Variants in CPB2 observed in about 807,000 individuals in gnomAD.
The protein encoded by CPB2 is carboxypeptidase B-like protein.
Under a neutral mutation model 57.0 loss-of-function variants are expected in CPB2, and 54 were observed. That is an observed-to-expected ratio of 0.95 (90% confidence interval 0.76 to 1.19). The LOEUF (loss-of-function observed/expected upper bound fraction) is 1.19, where lower values mean the gene tolerates loss of function less well. CPB2 is among the 50% of genes most tolerant of loss of function. CPB2 has a pLI of 0.00. For missense variants in CPB2, 426 were observed against 512.0 expected, an observed-to-expected ratio of 0.83 and a Z score of 1.62; for synonymous variants, 189 against 178.1, an observed-to-expected ratio of 1.06 and a Z score of -0.49.
intron 9 of CPB2, 36 bp downstream of exon 9, chr13:46,058,143 A>G: frequency 5.1e-6 from 8 of 1,575,066 alleles, no homozygotes; most frequent in Non-Finnish European, 6.9e-6. Flanking sequence ...TTTATTTCCA[A>G]AATGCTAATG....
At chr13:46,068,541 G>T (rs1210826453) in intron 6 of CPB2, among the ~76,000 whole-genome samples, 1 of 152,088 alleles carries the variant, frequency 6.6e-6, no homozygotes, top group Non-Finnish European at 1.5e-5. Flanking sequence ...TTGTTTTTTT[G>T]TTTGTTTGTT....
chr13:46,056,267 A>G (rs890203772), intron 9 of CPB2, among the ~76,000 whole-genome samples: 6 of 152,222 alleles, frequency 3.9e-5, no homozygotes, highest in African/African-American at 1.2e-4. Context: ...TAATGCATGC[A>G]TGACTCACTT....
chr13:46,067,360 A>C lies in CPB2; in HGVS notation c.649T>G (p.Phe217Val), dbSNP rs762954189. ...QYTNLLRLVD[F>V]YVMPVVNVDG... is the part of the protein sequence containing the mutation. ...ACATTAACCACTGGCATAACATAGA[A>C]ATCCACAAGCCTCAGGAGATTGGTA... The change falls in exon 7 of 11, where the codon TTC becomes GTC. Residue 217 changes from phenylalanine (F) to valine (V), a missense_variant. Transcript: ENST00000181383. The C allele has an allele frequency of 6.3e-7, 1 of 1,598,690 alleles. No individual in the cohort carries two copies. Among genetic ancestry groups the C allele is most frequent in the Non-Finnish European group, 8.6e-7 (1 of 1,166,350 alleles).
intron 4 of CPB2, among the ~76,000 whole-genome samples, chr13:46,080,227 A>G (rs1364627185): frequency 6.6e-6 from 1 of 152,144 alleles, no homozygotes; most frequent in African/African-American, 2.4e-5. Context: ...CTTTCTCCCT[A>G]CACCGGATCA....
At chr13:46,077,852 T>G (rs2045046945) in intron 5 of CPB2, among the ~76,000 whole-genome samples, 1 of 151,900 alleles carries the variant, frequency 6.6e-6, no homozygotes, top group Non-Finnish European at 1.5e-5. Context: ...AGACAAATAC[T>G]ACATGTTCTC....
intron 1 of CPB2, among the ~76,000 whole-genome samples, chr13:46,103,500 G>A (rs1478692309): frequency 6.6e-6 from 1 of 152,194 alleles, no homozygotes; most frequent in Non-Finnish European, 1.5e-5. Context: ...TTGAATCCAA[G>A]CTCTACATTT....
intron 2 of CPB2, among the ~76,000 whole-genome samples, chr13:46,087,233 C>T (rs2045223219): frequency 6.6e-6 from 1 of 152,220 alleles, no homozygotes; most frequent in African/African-American, 2.4e-5. Flanking sequence ...CTTTTACCTC[C>T]TCCTGGCTTC....
chr13:46,082,633 G>A, intron 3 of CPB2, 84 bp from the exon 4 acceptor site: 6 of 756,062 alleles, frequency 7.9e-6, no homozygotes, highest in Admixed American at 2.3e-5. Context: ...CAGCAGGTGA[G>A]CATGAAGAAA....
intron 3 of CPB2, among the ~76,000 whole-genome samples, chr13:46,082,895 A>G (rs11841755): frequency 0.013 from 2,019 of 152,234 alleles, 36 homozygotes; most frequent in African/African-American, 0.045. Context: ...TTCAATCCAG[A>G]CTAACACTGT....
intron 1 of CPB2, among the ~76,000 whole-genome samples, chr13:46,102,597 T>TTG (rs10675603): frequency 0.32 from 45,242 of 143,354 alleles, 7,498 homozygotes; most frequent in Middle Eastern, 0.37. Flanking sequence ...TGTTAGTTTT[T>TTG]TTTTTTTTTT....
chr13:46,084,878 A>C, intron 2 of CPB2, among the ~76,000 whole-genome samples: 1 of 148,710 alleles, frequency 6.7e-6, no homozygotes, highest in Non-Finnish European at 1.5e-5. Context: ...TTTGAGACGG[A>C]GTCTGGCTGT....
chr13:46,059,316 G>A (rs1199641695), intron 8 of CPB2, among the ~76,000 whole-genome samples: 3 of 151,914 alleles, frequency 2.0e-5, no homozygotes, highest in Non-Finnish European at 4.4e-5. Flanking sequence ...TATTCTTGGT[G>A]GTAACCACTC....
At chr13:46,102,029 C>T (rs2045440531) in intron 1 of CPB2, among the ~76,000 whole-genome samples, 1 of 152,232 alleles carries the variant, frequency 6.6e-6, no homozygotes, top group Admixed American at 6.5e-5. Flanking sequence ...TTTAAGGCCA[C>T]TGGTGGCCTG....
At chr13:46,078,018 C>T (rs1192404117) in intron 5 of CPB2, among the ~76,000 whole-genome samples, 1 of 151,808 alleles carries the variant, frequency 6.6e-6, no homozygotes, top group Admixed American at 6.6e-5. Context: ...AGTAGGGTGA[C>T]GAGAATCAAC....
intron 8 of CPB2, among the ~76,000 whole-genome samples, chr13:46,059,911 G>C (rs1366829840): frequency 6.6e-6 from 1 of 152,144 alleles, no homozygotes; most frequent in Non-Finnish European, 1.5e-5. Context: ...GTCTTCCCAA[G>C]TATTTCATTT....
chr13:46,091,480 T>C (rs1419851732), intron 1 of CPB2, among the ~76,000 whole-genome samples: 2 of 152,220 alleles, frequency 1.3e-5, no homozygotes, highest in Non-Finnish European at 2.9e-5. Context: ...TTAGAATGCT[T>C]GTTGTAGATT....
chr13:46,079,833 A>G (rs1049182468), intron 4 of CPB2, among the ~76,000 whole-genome samples: 9 of 152,172 alleles, frequency 5.9e-5, no homozygotes, highest in African/African-American at 2.2e-4. Flanking sequence ...CTCTGAGATC[A>G]CATAACCAGC....
At chr13:46,068,688 C>T (rs959032298) in intron 6 of CPB2, among the ~76,000 whole-genome samples, 6 of 151,724 alleles carry the variant, frequency 4.0e-5, no homozygotes, top group African/African-American at 1.5e-4. Context: ...GCTCTCCCTC[C>T]CCTAGCCCCC....
chr13:46,073,942 T>G lies in CPB2; in HGVS notation c.522A>C (p.Ile174=), dbSNP rs1265107422. 1 of 1,590,228 alleles carries G rather than the reference T, an allele frequency of 6.3e-7. No homozygotes were observed. The highest frequency in any genetic ancestry group is 1.7e-5 in the Admixed American group (1 of 59,768). The change falls in exon 6 of 11, where the codon ATA becomes ATC. Residue 174 remains isoleucine, a synonymous_variant. Transcript: ENST00000181383. ...SGKEQAAKNA[I]WIDCGIHARE... The stretch of plus-strand genomic sequence containing the variant: ...TGGCATGGATTCCACAGTCAATCCA[T>G]ATGGCATTTTTGGCTGCTTGTTCTT...
Sources: allele counts gnomAD v4.1 joint callset (sites outside exome capture counted in the v4.1 genomes callset), GRCh38; gene constraint gnomAD v4.1.1; transcripts MANE v1.5; gene names NCBI Gene and HGNC (gene_info 2026-07-23, HGNC 2026-07-21).